Variants in EPB41L4A observed in about 807,000 individuals in gnomAD.
EPB41L4A encodes band 4.1-like protein 4A.
EPB41L4A carries 100 observed loss-of-function variants against 108.6 expected under a neutral mutation model. The observed-to-expected ratio is 0.92, with a 90% confidence interval of 0.78 to 1.09. The LOEUF is 1.09. Ranked by LOEUF, EPB41L4A falls within the 50% of genes least tolerant of loss-of-function variation. The probability of loss-of-function intolerance (pLI) is 0.00; values close to 1 mark genes in which losing one functional copy is unlikely to be tolerated. For missense variants in EPB41L4A, 1,030 were observed against 842.7 expected, an observed-to-expected ratio of 1.22 and a Z score of -2.75; for synonymous variants, 319 against 289.0, an observed-to-expected ratio of 1.10 and a Z score of -1.05.
intron 1 of EPB41L4A, among the ~76,000 whole-genome samples, chr5:112,353,889 C>G (rs750366315): frequency 4.6e-5 from 7 of 152,038 alleles, no homozygotes; most frequent in Non-Finnish European, 1.0e-4. Flanking sequence ...TGTTTGGGCA[C>G]TCGGAGAGGT....
intron 1 of EPB41L4A, among the ~76,000 whole-genome samples, chr5:112,315,260 T>C (rs867033431): frequency 2.0e-5 from 3 of 152,236 alleles, no homozygotes; most frequent in East Asian, 1.9e-4. Context: ...CTGTCTCTGA[T>C]ACTTACACTC....
chr5:112,154,582 A>C (rs1442867105), intron 12 of EPB41L4A, among the ~76,000 whole-genome samples: 1 of 152,250 alleles, frequency 6.6e-6, no homozygotes, highest in African/African-American at 2.4e-5. Context: ...AAGACATGAT[A>C]TTAATAATGA....
At chr5:112,201,648 T>C (rs1352206346) in intron 15 of EPB41L4A, among the ~76,000 whole-genome samples, 2 of 152,198 alleles carry the variant, frequency 1.3e-5, no homozygotes, top group Non-Finnish European at 2.9e-5. Context: ...TAAATTCTAA[T>C]CATCCCTGCC....
intron 1 of EPB41L4A, among the ~76,000 whole-genome samples, chr5:112,339,313 C>T (rs971788797): frequency 1.3e-5 from 2 of 151,808 alleles, no homozygotes; most frequent in African/African-American, 4.8e-5. Context: ...AGCACTGCCC[C>T]CATAAATAAA....
At chr5:112,251,287 T>C (rs1261356335) in intron 9 of EPB41L4A, among the ~76,000 whole-genome samples, 1 of 152,180 alleles carries the variant, frequency 6.6e-6, no homozygotes, top group Non-Finnish European at 1.5e-5. Context: ...ACTGGGAATT[T>C]AACCCATGGA....
chr5:112,202,691 A>G (rs1762275782), intron 15 of EPB41L4A, among the ~76,000 whole-genome samples: 1 of 152,026 alleles, frequency 6.6e-6, no homozygotes, highest in Admixed American at 6.5e-5. Context: ...CTTCTTAACC[A>G]TCAAAGGATT....
At chr5:112,393,469 G>A (rs1039977769) in intron 1 of EPB41L4A, among the ~76,000 whole-genome samples, 6 of 152,112 alleles carry the variant, frequency 3.9e-5, no homozygotes, top group South Asian at 4.1e-4. Flanking sequence ...ACACCTCTAC[G>A]CAAATAAACT....
intron 9 of EPB41L4A, among the ~76,000 whole-genome samples, chr5:112,244,718 C>G (rs577996864): frequency 6.6e-6 from 1 of 152,230 alleles, no homozygotes; most frequent in African/African-American, 2.4e-5. Flanking sequence ...GTATGTGTGG[C>G]TGGCAGAGAA....
chr5:112,156,386 G>C (rs1455336731), intron 12 of EPB41L4A, among the ~76,000 whole-genome samples: 1 of 152,200 alleles, frequency 6.6e-6, no homozygotes, highest in Non-Finnish European at 1.5e-5. Context: ...TATAGCCAGA[G>C]AGCAGGTGGT....
chr5:112,297,004 C>A (rs1754033281), intron 2 of EPB41L4A, among the ~76,000 whole-genome samples: 2 of 151,946 alleles, frequency 1.3e-5, no homozygotes, highest in Admixed American at 6.6e-5. Context: ...CACACACACA[C>A]ACACACACAC....
At chr5:112,419,487 A>C, upstream of EPB41L4A, 1 of 375,248 alleles carries the variant, frequency 2.7e-6, no homozygotes, top group Non-Finnish European at 5.3e-6. Flanking sequence ...TGCCGCACGG[A>C]TTTGAGCGCG....
intron 12 of EPB41L4A, among the ~76,000 whole-genome samples, chr5:112,231,741 C>A (rs1193592437): frequency 1.5e-5 from 2 of 136,292 alleles, no homozygotes; most frequent in East Asian, 2.2e-4. Flanking sequence ...GCCGAGATTG[C>A]GCCACTGCAG....
chr5:112,349,084 A>T (rs1158973746), intron 1 of EPB41L4A, among the ~76,000 whole-genome samples: 1 of 152,214 alleles, frequency 6.6e-6, no homozygotes, highest in Non-Finnish European at 1.5e-5. Flanking sequence ...ATGACACCGC[A>T]GAGGACAAAT....
chr5:112,398,473 C>A (rs1761518695), intron 1 of EPB41L4A, among the ~76,000 whole-genome samples: 1 of 152,208 alleles, frequency 6.6e-6, no homozygotes, highest in African/African-American at 2.4e-5. Context: ...ACTGCAACCT[C>A]TGCCTCCCGG....
chr5:112,161,583 A>G (rs1398016300), downstream of EPB41L4A: 1 of 519,120 alleles, frequency 1.9e-6, no homozygotes, highest in Non-Finnish European at 3.8e-6. Context: ...CTTAAATTTG[A>G]TACCTTTGGT....
At chr5:112,402,529 T>G (rs1404848894) in intron 1 of EPB41L4A, among the ~76,000 whole-genome samples, 1 of 152,076 alleles carries the variant, frequency 6.6e-6, no homozygotes, top group East Asian at 1.9e-4. Context: ...CAGCGGCACA[T>G]ATACTAAAAT....
chr5:112,295,090 C>T (rs1753907595), intron 2 of EPB41L4A, among the ~76,000 whole-genome samples: 1 of 152,238 alleles, frequency 6.6e-6, no homozygotes, highest in African/African-American at 2.4e-5. Flanking sequence ...TAGATGACCA[C>T]AAGTCCTGTT....
chr5:112,413,242 A>T (rs1762515955), intron 1 of EPB41L4A, among the ~76,000 whole-genome samples: 1 of 152,208 alleles, frequency 6.6e-6, no homozygotes, highest in African/African-American at 2.4e-5. Flanking sequence ...TGTTTTCTGA[A>T]ATAGCTGCTA....
At chr5:112,155,847 G>A (rs1000816351) in intron 12 of EPB41L4A, among the ~76,000 whole-genome samples, 3 of 152,018 alleles carry the variant, frequency 2.0e-5, no homozygotes, top group African/African-American at 4.8e-5. Flanking sequence ...TTATAATTTT[G>A]CCATTTAAAA....
Sources: gnomAD v4.1 joint callset for allele counts (sites outside exome capture counted in the v4.1 genomes callset) on GRCh38, gnomAD v4.1.1 for gene constraint, MANE v1.5 for transcripts, NCBI Gene and HGNC (gene_info 2026-07-23, HGNC 2026-07-21) for gene names.